TPTE2: variants seen among roughly 807,000 people sequenced by gnomAD.
TPTE2 encodes the protein transmembrane phosphoinositide 3-phosphatase and tensin homolog 2.
In TPTE2, 53 loss-of-function variants were observed where a neutral mutation model predicts 78.6. The ratio of observed to expected loss-of-function variants is 0.67; its 90% CI spans 0.54 to 0.85. TPTE2 has a LOEUF of 0.85. Ranked by LOEUF, TPTE2 falls within the 40% of genes least tolerant of loss-of-function variation. The pLI is 0.00. For synonymous variants in TPTE2, 175 were observed against 206.2 expected (o/e 0.85, Z 1.30); for missense variants, 461 against 623.0 (o/e 0.74, Z 2.77).
At chr13:19,515,386 T>C (rs909544684) in intron 1 of TPTE2, among the ~76,000 whole-genome samples, 2 of 152,178 alleles carry the variant, frequency 1.3e-5, no homozygotes, top group African/African-American at 4.8e-5. Context: ...TTTTATGTCT[T>C]TAAGAAAAGT....
intron 1 of TPTE2, among the ~76,000 whole-genome samples, chr13:19,533,764 G>C (rs939001653): frequency 6.6e-6 from 1 of 152,176 alleles, no homozygotes; most frequent in Non-Finnish European, 1.5e-5. Flanking sequence ...TGACTCCAAA[G>C]CAGAGAACAG....
intron 3 of TPTE2, among the ~76,000 whole-genome samples, chr13:19,491,643 G>C (rs2137636747): frequency 6.6e-6 from 1 of 152,208 alleles, no homozygotes. Context: ...GGCCAATATA[G>C]TGAAACCCCG....
At chr13:19,439,880 T>C (rs1221501194) in intron 13 of TPTE2, among the ~76,000 whole-genome samples, 3 of 152,188 alleles carry the variant, frequency 2.0e-5, no homozygotes, top group Admixed American at 2.0e-4. Context: ...ACTGGTCTTT[T>C]GAACTAATCC....
intron 10 of TPTE2, among the ~76,000 whole-genome samples, chr13:19,456,530 G>A (rs184423467): frequency 1.5e-4 from 23 of 152,236 alleles, no homozygotes; most frequent in African/African-American, 4.1e-4. Flanking sequence ...CAAATATTTA[G>A]AAAATGAAGA....
intron 5 of TPTE2, 113 bp from the exon 9 acceptor site, chr13:19,474,188 A>G: frequency 1.9e-6 from 2 of 1,060,322 alleles, no homozygotes; most frequent in East Asian, 5.8e-5. Context: ...AGGTACCAAA[A>G]TGTTATTATT....
At chr13:19,560,527 G>A in the TPTE2 span, 16 of 1,585,554 alleles carry the variant, frequency 1.0e-5, no homozygotes, top group Non-Finnish European at 1.4e-5. Context: ...GTCAGACAGC[G>A]ACAGCGATGA....
intron 6 of TPTE2, among the ~76,000 whole-genome samples, 172 bp from the exon 10 acceptor site, chr13:19,467,516 G>T (rs185126969): frequency 0.024 from 3,709 of 152,168 alleles, 114 homozygotes; most frequent in African/African-American, 0.071. Flanking sequence ...TTCATGGGAA[G>T]TTTTCAAACA....
intron 1 of TPTE2, among the ~76,000 whole-genome samples, chr13:19,522,679 G>A (rs1460899233): frequency 7.0e-6 from 1 of 142,304 alleles, no homozygotes; most frequent in Non-Finnish European, 1.5e-5. Context: ...CTGAAGTGCA[G>A]TGGTGTGATC....
At chr13:19,555,313 CAGTGGTAAGAACTT>C in the TPTE2 span, among the ~76,000 whole-genome samples, 5 of 152,190 alleles carry the variant, frequency 3.3e-5, no homozygotes, top group African/African-American at 1.2e-4. Context: ...TCCTCTGTAG[CAGTGGTAAGAACTT>C]AGTATGGAAC....
chr13:19,521,276 T>C (rs141351151), intron 1 of TPTE2, among the ~76,000 whole-genome samples: 282 of 152,146 alleles, frequency 1.9e-3, no homozygotes, highest in African/African-American at 6.4e-3. Flanking sequence ...GGCTCTGTTA[T>C]ATGTTTTTGA....
exon 3 of TPTE2, chr13:19,492,874 G>C (rs754090436): frequency 1.2e-6 from 2 of 1,613,910 alleles, no homozygotes; most frequent in East Asian, 2.2e-5. Flanking sequence ...TGACACCAGG[G>C]CTGCTCCTTT....
At chr13:19,478,741 CAA>C (rs1178510449) in intron 4 of TPTE2, among the ~76,000 whole-genome samples, 3 of 152,010 alleles carry the variant, frequency 2.0e-5, no homozygotes, top group Admixed American at 6.6e-5. Context: ...TTCACAATAG[CAA>C]AGACTTGGAA....
chr13:19,512,925 T>C (rs1214985046), intron 1 of TPTE2, among the ~76,000 whole-genome samples: 1 of 152,116 alleles, frequency 6.6e-6, no homozygotes, highest in Non-Finnish European at 1.5e-5. Context: ...GTAGAATCCT[T>C]GGGCCATATT....
At chr13:19,461,659 T>C (rs1289642642) in intron 10 of TPTE2, among the ~76,000 whole-genome samples, 1 of 152,222 alleles carries the variant, frequency 6.6e-6, no homozygotes, top group Non-Finnish European at 1.5e-5. Flanking sequence ...TAAAAATATT[T>C]GCCTTGTTTA....
chr13:19,472,613 T>C (rs1879694047), intron 6 of TPTE2, among the ~76,000 whole-genome samples: 1 of 152,202 alleles, frequency 6.6e-6, no homozygotes, highest in African/African-American at 2.4e-5. Flanking sequence ...GCTATTTTGA[T>C]TTCTTTGTCT....
At chr13:19,525,886 A>G (rs1870466234) in intron 1 of TPTE2, among the ~76,000 whole-genome samples, 1 of 152,180 alleles carries the variant, frequency 6.6e-6, no homozygotes, top group African/African-American at 2.4e-5. Context: ...GGGGCAAAGG[A>G]CAGGAACAGA....
At chr13:19,489,151 C>A (rs1880831039) in intron 3 of TPTE2, among the ~76,000 whole-genome samples, 1 of 151,846 alleles carries the variant, frequency 6.6e-6, no homozygotes, top group Non-Finnish European at 1.5e-5. Flanking sequence ...CGTGTTGCCC[C>A]AAAACAATTA....
chr13:19,496,919 T>C (rs1005802731), intron 1 of TPTE2, among the ~76,000 whole-genome samples: 2 of 152,094 alleles, frequency 1.3e-5, no homozygotes, highest in African/African-American at 2.4e-5. Context: ...TGCCAGACAG[T>C]GGGCGCAGGT....
intron 3 of TPTE2, among the ~76,000 whole-genome samples, chr13:19,489,616 A>C (rs1048542707): frequency 6.7e-6 from 1 of 150,338 alleles, no homozygotes; most frequent in African/African-American, 2.4e-5. Context: ...ACACATTTAA[A>C]TATGCACATA....
Sources: gnomAD v4.1 joint callset for allele counts (sites outside exome capture counted in the v4.1 genomes callset) on GRCh38, gnomAD v4.1.1 for gene constraint, MANE v1.5 for transcripts, NCBI Gene and HGNC (gene_info 2026-07-23, HGNC 2026-07-21) for gene names.